The following GRIK2 variants were observed in gnomAD, a reference collection of about 807,000 sequenced individuals.
GRIK2 encodes the protein glutamate receptor ionotropic, kainate 2.
A neutral mutation model predicts 100.3 loss-of-function variants in GRIK2; 32 were observed. The ratio of observed to expected loss-of-function variants is 0.32; its 90% CI spans 0.24 to 0.43. The LOEUF (loss-of-function observed/expected upper bound fraction) is 0.43, where lower values mean the gene tolerates loss of function less well. Among genes scored for constraint, GRIK2 ranks in the 20% least tolerant of loss-of-function variants. The probability of loss-of-function intolerance (pLI) is 1.00; values close to 1 mark genes in which losing one functional copy is unlikely to be tolerated. For synonymous variants in GRIK2, 417 were observed against 389.4 expected, an observed-to-expected ratio of 1.07 and a Z score of -0.83; for missense variants, 843 against 1,114.9, an observed-to-expected ratio of 0.76 and a Z score of 3.47.
At chr6:101,832,021 A>G (rs1476577177) in intron 10 of GRIK2, among the ~76,000 whole-genome samples, 4 of 152,130 alleles carry the variant, frequency 2.6e-5, no homozygotes, top group African/African-American at 9.7e-5. Context: ...AAATAAAAGA[A>G]GTTATCAGTC....
chr6:101,502,404 G>T (rs1167912292), intron 2 of GRIK2, among the ~76,000 whole-genome samples: 1 of 152,036 alleles, frequency 6.6e-6, no homozygotes, highest in Non-Finnish European at 1.5e-5. Flanking sequence ...TCCATCATTA[G>T]CGAGAAGTTA....
intron 2 of GRIK2, among the ~76,000 whole-genome samples, chr6:101,588,560 A>G (rs1294680314): frequency 2.0e-5 from 3 of 152,148 alleles, no homozygotes; most frequent in Admixed American, 2.0e-4. Flanking sequence ...CAGGAGGATC[A>G]CTTGAGCCCA....
intron 2 of GRIK2, among the ~76,000 whole-genome samples, chr6:101,475,720 G>A (rs904646550): frequency 2.6e-5 from 4 of 151,788 alleles, no homozygotes; most frequent in African/African-American, 9.7e-5. Flanking sequence ...GTACTATTGG[G>A]TAGCATACGA....
intron 2 of GRIK2, among the ~76,000 whole-genome samples, chr6:101,521,898 G>T (rs1273942303): frequency 2.0e-5 from 3 of 151,808 alleles, no homozygotes; most frequent in Non-Finnish European, 4.4e-5. Context: ...AAAATGCATT[G>T]TTTGGATTTA....
At chr6:102,038,500 A>T (rs1352615775) in intron 15 of GRIK2, among the ~76,000 whole-genome samples, 3 of 151,274 alleles carry the variant, frequency 2.0e-5, no homozygotes, top group Non-Finnish European at 4.4e-5. Flanking sequence ...TTTGCTGTTC[A>T]TTGTTTCAGC....
At chr6:101,567,505 T>C (rs1255321513) in intron 2 of GRIK2, among the ~76,000 whole-genome samples, 1 of 151,968 alleles carries the variant, frequency 6.6e-6, no homozygotes, top group Non-Finnish European at 1.5e-5. Flanking sequence ...TACCTGTTTT[T>C]CCTCTATAGC....
intron 2 of GRIK2, among the ~76,000 whole-genome samples, chr6:101,469,283 A>G (rs989562188): frequency 6.6e-6 from 1 of 152,166 alleles, no homozygotes; most frequent in African/African-American, 2.4e-5. Context: ...TGCAAATGAA[A>G]AAAAGGAAAA....
rs577377294 is a variant in GRIK2, at chr6:101,464,948, A to G, written c.115+65556A>G. Reference sequence around the variant, plus strand: ...ATTGAATTAGATTAATATTCTTTCTAAGTCAATCTTGATAACAGGACTCCT... The same window carrying G: ...ATTGAATTAGATTAATATTCTTTCTGAGTCAATCTTGATAACAGGACTCCT... On this transcript the variant is annotated intron_variant, in intron 2 of 16. Coordinates refer to ENST00000369134, the MANE Select transcript of GRIK2 (RefSeq NM_021956.5). 2.2e-3 allele frequency among the ~76,000 whole-genome samples: 342 copies of G among 152,248 alleles called. 1 individual carries two copies. Among genetic ancestry groups the G allele is most frequent in the African/African-American group, 7.7e-3 (321 of 41,550 alleles).
At chr6:101,629,338 A>G (rs181767411) in intron 4 of GRIK2, among the ~76,000 whole-genome samples, 76 of 152,218 alleles carry the variant, frequency 5.0e-4, no homozygotes, top group Non-Finnish European at 8.8e-4. Flanking sequence ...TCTGAAGAAT[A>G]AAACATATTG....
At chr6:101,823,243 T>A (rs1764761424) in intron 10 of GRIK2, among the ~76,000 whole-genome samples, 1 of 152,206 alleles carries the variant, frequency 6.6e-6, no homozygotes, top group African/African-American at 2.4e-5. Flanking sequence ...TGTTTACACA[T>A]GTTTTTACTC....
intron 2 of GRIK2, among the ~76,000 whole-genome samples, chr6:101,581,534 T>C (rs599545): frequency 0.36 from 55,123 of 151,866 alleles, 11,175 homozygotes; most frequent in African/African-American, 0.56. Context: ...TTCAATCCAA[T>C]TAATATTACC....
intron 2 of GRIK2, among the ~76,000 whole-genome samples, chr6:101,412,218 ATTC>A (rs1382250847): frequency 1.3e-5 from 2 of 152,086 alleles, no homozygotes; most frequent in African/African-American, 4.8e-5. Flanking sequence ...AAACCAGAAT[ATTC>A]TTATATATTT....
chr6:101,596,568 T>C (rs1778940287), intron 2 of GRIK2, among the ~76,000 whole-genome samples: 2 of 151,704 alleles, frequency 1.3e-5, no homozygotes, highest in African/African-American at 4.8e-5. Context: ...GAATGAAATT[T>C]ATAATTTGGT....
intron 10 of GRIK2, among the ~76,000 whole-genome samples, chr6:101,847,466 T>G (rs1783877779): frequency 6.6e-6 from 1 of 152,192 alleles, no homozygotes; most frequent in African/African-American, 2.4e-5. Context: ...CTTGCTAAAT[T>G]AATTTTGTAA....
At chr6:101,435,381 C>T (rs1582445686) in intron 2 of GRIK2, among the ~76,000 whole-genome samples, 2 of 110,922 alleles carry the variant, frequency 1.8e-5, no homozygotes, top group South Asian at 6.3e-4. Context: ...TGAAGGCACA[C>T]GGTGATTTTT....
intron 2 of GRIK2, among the ~76,000 whole-genome samples, chr6:101,563,437 A>G (rs546224535): frequency 6.4e-4 from 97 of 152,290 alleles, no homozygotes; most frequent in African/African-American, 2.2e-3. Flanking sequence ...GTGTTGTCCT[A>G]TATTGTACCA....
At chr6:101,981,034 G>A (rs143322864) in intron 14 of GRIK2, among the ~76,000 whole-genome samples, 280 of 150,294 alleles carry the variant, frequency 1.9e-3, no homozygotes, top group African/African-American at 6.3e-3. Flanking sequence ...CACTTAATCT[G>A]TTATGTGAAA....
chr6:101,633,770 C>A (rs1780879596), intron 4 of GRIK2, among the ~76,000 whole-genome samples: 2 of 152,068 alleles, frequency 1.3e-5, no homozygotes, highest in African/African-American at 4.8e-5. Context: ...AAGAGCATAT[C>A]ATTTAGAGTT....
In GRIK2 at chr6:101,912,978, G is replaced by A. The variant is rs979629136; in HGVS notation, c.1749-11623G>A. ...TATTTTTCAGAAAAATATGTTACTC[G>A]ATAAAACACAGAAATAGTATGATTC... is the stretch of plus-strand genomic sequence containing the variant. On this transcript the variant is annotated intron_variant, in intron 12 of 16. Coordinates refer to ENST00000369134, the MANE Select transcript of GRIK2 (RefSeq NM_021956.5). 4.3e-4 allele frequency among the ~76,000 whole-genome samples: 65 copies of A among 151,416 alleles called. 1 individual carries two copies. The highest frequency in any genetic ancestry group is 1.2e-3 in the East Asian group (6 of 5,156).
Sources: allele counts gnomAD v4.1 joint callset (sites outside exome capture counted in the v4.1 genomes callset), GRCh38; gene constraint gnomAD v4.1.1; transcripts MANE v1.5; gene names NCBI Gene and HGNC (gene_info 2026-07-23, HGNC 2026-07-21).